Variants in TMOD2 observed in about 807,000 individuals in gnomAD.
TMOD2 encodes tropomodulin-2.
Under a neutral mutation model 39.9 loss-of-function variants are expected in TMOD2, and 22 were observed. The observed-to-expected ratio is 0.55, with a 90% CI of 0.39 to 0.79. The LOEUF (loss-of-function observed/expected upper bound fraction) is 0.79, where lower values mean the gene tolerates loss of function less well. Among genes scored for constraint, TMOD2 ranks in the 30% least tolerant of loss-of-function variants. The pLI, the probability that TMOD2 is intolerant of heterozygous loss-of-function variation, is 0.00. For missense variants in TMOD2, 386 were observed against 413.3 expected (o/e 0.93, Z 0.57); for synonymous variants, 123 against 146.1 (o/e 0.84, Z 1.14).
chr15:51,787,086 T>C (rs1340118017), intron 7 of TMOD2, among the ~76,000 whole-genome samples: 2 of 152,164 alleles, frequency 1.3e-5, no homozygotes, highest in Non-Finnish European at 1.5e-5. Context: ...AGAGAAGCCA[T>C]GAGTGACTGT....
intron 2 of TMOD2, among the ~76,000 whole-genome samples, chr15:51,767,772 CTGT>C (rs549661019): frequency 4.6e-5 from 7 of 152,082 alleles, no homozygotes; most frequent in East Asian, 3.9e-4. Flanking sequence ...TACAGATATT[CTGT>C]TGTTGTTTTT....
At chr15:51,806,769 T>G (rs1256414985) in intron 9 of TMOD2, among the ~76,000 whole-genome samples, 3 of 152,210 alleles carry the variant, frequency 2.0e-5, no homozygotes, top group African/African-American at 2.4e-5. Flanking sequence ...TGATTTTTGC[T>G]TGATTTCTTT....
At chr15:51,797,806 T>A (rs2056061373) in intron 7 of TMOD2, among the ~76,000 whole-genome samples, 1 of 151,534 alleles carries the variant, frequency 6.6e-6, no homozygotes, top group Non-Finnish European at 1.5e-5. Flanking sequence ...AATTAATTCA[T>A]AGTAAAGGAA....
intron 4 of TMOD2, among the ~76,000 whole-genome samples, chr15:51,774,816 C>T (rs2055876357): frequency 6.6e-6 from 1 of 152,116 alleles, no homozygotes; most frequent in Non-Finnish European, 1.5e-5. Context: ...CTCATGGTCT[C>T]TACCAGAATT....
Position 51,808,534 on chromosome 15 carries a change from A to G in TMOD2, c.*80A>G, listed in dbSNP as rs1377199309. 2.0e-5 allele frequency: 24 copies of G among 1,210,844 alleles called. No homozygotes were observed. In the Middle Eastern group the frequency reaches 7.8e-4, roughly 39 times the overall value. The allele number at this position is 1,210,844 out of a possible 1,614,324, so 75.0% of individuals were successfully genotyped here. A position where few individuals can be genotyped will look rare whatever the true frequency, so the allele number is the denominator to read the frequency against. The stretch of plus-strand genomic sequence containing the variant: ...ACTCTTCTTCTTCCCCATCAGGACC[A>G]TTTTATCAAAGTTCGTTCATTTCCG... On this transcript the variant is annotated 3_prime_UTR_variant, in exon 10 of 10. Transcript: ENST00000249700.
In TMOD2 at chr15:51,755,000, C is replaced by T. The variant is rs571238007; in HGVS notation, c.-70+3288C>T. Reference sequence around the variant, plus strand: ...AAGTATTTGTGCTTCACATTACTTACAGATTAGAATTCAAATTTCAGTTTC... The same window carrying T: ...AAGTATTTGTGCTTCACATTACTTATAGATTAGAATTCAAATTTCAGTTTC... On this transcript the variant is annotated intron_variant, in intron 1 of 9. Transcript: ENST00000249700. Among the ~76,000 whole-genome samples the T allele has an allele frequency of 2.4e-4, 36 of 152,320 alleles. 1 individual carries two copies. The South Asian group carries it at 5.8e-3, about 25-fold the overall frequency.
chr15:51,782,827 T>C lies in TMOD2; in HGVS notation c.731T>C (p.Ile244Thr). Residue 244 changes from isoleucine to threonine, a missense_variant and splice_region_variant, in exon 7 of 10, where the codon ATT (isoleucine) becomes ACT (threonine). Physicochemically the swap from Ile to Thr is moderately conservative, Grantham distance 89. Coordinates refer to ENST00000249700, the MANE Select transcript of TMOD2 (RefSeq NM_014548.4). ...AATRSNDPVA[I>T]AFADMLKVNK... ...ACTCGCAGCAATGACCCTGTGGCCA[T>C]TGTGAGTAAAATTCTTAGAAATATA... 1.2e-6 allele frequency: 2 copies of C among 1,612,468 alleles called. No homozygotes were observed. The highest frequency in any genetic ancestry group is 8.5e-7 in the Non-Finnish European group (1 of 1,178,888).
chr15:51,780,108 G>A (rs946594437), intron 5 of TMOD2, among the ~76,000 whole-genome samples: 66 of 152,118 alleles, frequency 4.3e-4, no homozygotes, highest in Non-Finnish European at 8.8e-4. Context: ...AATATTTCAG[G>A]GAACAGGGAA....
intron 1 of TMOD2, among the ~76,000 whole-genome samples, chr15:51,754,668 T>C (rs944664656): frequency 6.6e-6 from 1 of 152,218 alleles, no homozygotes; most frequent in Non-Finnish European, 1.5e-5. Flanking sequence ...ATACATAGAA[T>C]GTTAATGGGT....
chr15:51,768,553 A>G, intron 3 of TMOD2, 135 bp downstream of exon 3: 1 of 925,660 alleles, frequency 1.1e-6, no homozygotes, highest in Non-Finnish European at 1.6e-6. Flanking sequence ...TGTCCCAGAC[A>G]TGGGAAATAA....
intron 7 of TMOD2, among the ~76,000 whole-genome samples, chr15:51,786,616 C>A (rs947873824): frequency 2.0e-5 from 3 of 152,202 alleles, no homozygotes; most frequent in Non-Finnish European, 4.4e-5. Flanking sequence ...GATTACACCG[C>A]ATGTGGCCAA....
In TMOD2 at chr15:51,808,507, A is replaced by C. The variant is rs1354623932; in HGVS notation, c.*53A>C. On this transcript the variant is annotated 3_prime_UTR_variant, in exon 10 of 10. Transcript: ENST00000249700. Reference sequence around the variant, plus strand: ...CTGTGGTATGGCCATTGAAAAACAAAAACTCTTCTTCTTCCCCATCAGGAC... The same window carrying C: ...CTGTGGTATGGCCATTGAAAAACAACAACTCTTCTTCTTCCCCATCAGGAC... The C allele has an allele frequency of 3.3e-6, 5 of 1,499,148 alleles. No individual in the cohort carries two copies. The highest frequency in any genetic ancestry group is 4.6e-6 in the Non-Finnish European group (5 of 1,090,616). 92.9% of individuals were successfully genotyped at this position (1,499,148 alleles called of 1,614,324 possible).
rs1339548652 is a variant in TMOD2 at position 51,814,647 on chromosome 15, G to A, written c.*6193G>A. 6.6e-6 allele frequency: 1 copy of A among 152,170 alleles called. No homozygotes were observed. Among genetic ancestry groups the A allele is most frequent in the East Asian group, 1.9e-4 (1 of 5,190 alleles). 9.4% of individuals were successfully genotyped at this position (152,170 alleles called of 1,614,324 possible). A position where few individuals can be genotyped will look rare whatever the true frequency, so the allele number is the denominator to read the frequency against. ...ATTTTTGAGAAACAATAGTGATTTG[G>A]ATGCCAGCTCTATGTGACTTTGGGC... On this transcript the variant is annotated 3_prime_UTR_variant, in exon 10 of 10. Transcript: ENST00000249700.
intron 3 of TMOD2, among the ~76,000 whole-genome samples, chr15:51,772,815 C>T (rs1318406950): frequency 6.6e-6 from 1 of 152,130 alleles, no homozygotes; most frequent in African/African-American, 2.4e-5. Flanking sequence ...AGGGAGCGCT[C>T]CAGGGGATCA....
Position 51,754,828 on chromosome 15 carries a change from A to G in TMOD2, c.-70+3116A>G, listed in dbSNP as rs75512758. On this transcript the variant is annotated intron_variant, in intron 1 of 9. Transcript: ENST00000249700. ...GGGGTGGGAATGTCCATAGGATGTGATATGTAATGTTTCCCAAACTGTGTG... is the reference window on the plus strand; with the variant it reads ...GGGGTGGGAATGTCCATAGGATGTGGTATGTAATGTTTCCCAAACTGTGTG... Among the ~76,000 whole-genome samples, 23 of 152,330 alleles carry G rather than the reference A, an allele frequency of 1.5e-4. No individual in the cohort carries two copies. In the East Asian group the frequency reaches 4.2e-3, roughly 28 times the overall value.
intron 1 of TMOD2, among the ~76,000 whole-genome samples, chr15:51,755,211 G>T (rs562946398): frequency 6.6e-6 from 1 of 152,242 alleles, no homozygotes; most frequent in Admixed American, 6.5e-5. Context: ...AATGAGATGC[G>T]CTCTTCTGCT....
chr15:51,786,187 C>CCTCACTCCCCGAATCCCCCCTT (rs1306925336), intron 7 of TMOD2, among the ~76,000 whole-genome samples: 5 of 152,090 alleles, frequency 3.3e-5, no homozygotes, highest in African/African-American at 1.2e-4. Context: ...CTCCTCCCCT[C>CCTCACTCCCCGAATCCCCCCTT]CTCACTCCCC....
At chr15:51,774,352 G>A (rs1429633400) in intron 4 of TMOD2, among the ~76,000 whole-genome samples, 1 of 152,152 alleles carries the variant, frequency 6.6e-6, no homozygotes, top group Non-Finnish European at 1.5e-5. Context: ...TGAAAAGTAA[G>A]TCTCTCGACC....
intron 6 of TMOD2, 115 bp from the exon 7 acceptor site, chr15:51,782,606 A>AG: frequency 3.8e-6 from 3 of 782,744 alleles, no homozygotes; most frequent in Non-Finnish European, 6.3e-6. Flanking sequence ...CTCATTTAGA[A>AG]GGGATATCGT....
Sources: allele counts gnomAD v4.1 joint callset (sites outside exome capture counted in the v4.1 genomes callset), GRCh38; gene constraint gnomAD v4.1.1; transcripts MANE v1.5; gene names NCBI Gene and HGNC (gene_info 2026-07-23, HGNC 2026-07-21).